The following SIAH3 variants were observed in gnomAD, a reference collection of about 807,000 sequenced individuals.
SIAH3 encodes the protein seven in absentia homolog 3.
SIAH3 carries 9 observed loss-of-function variants against 12.6 expected under a neutral mutation model. The observed-to-expected ratio is 0.72, with a 90% CI of 0.43 to 1.25. SIAH3 has a LOEUF of 1.25. SIAH3 is among the 50% of genes most tolerant of loss of function. SIAH3 has a pLI of 0.00. For missense variants in SIAH3, 390 were observed against 365.4 expected (o/e 1.07, Z -0.55); for synonymous variants, 154 against 151.1 (o/e 1.02, Z -0.14).
intron 1 of SIAH3, among the ~76,000 whole-genome samples, chr13:45,841,644 C>A (rs562439976): frequency 6.6e-6 from 1 of 152,206 alleles, no homozygotes; most frequent in Non-Finnish European, 1.5e-5. Flanking sequence ...CCACAAAGAA[C>A]CTGTTCTTCT....
intron 1 of SIAH3, among the ~76,000 whole-genome samples, chr13:45,848,039 G>A (rs952244300): frequency 1.3e-5 from 2 of 152,284 alleles, no homozygotes; most frequent in Non-Finnish European, 1.5e-5. Context: ...GGAGCCAGGA[G>A]AGAAAGGCTT....
Position 45,780,831 on chromosome 13 carries a change from G to A in SIAH3, c.*2552C>T, listed in dbSNP as rs1950501143. 6.6e-6 allele frequency: 1 copy of A among 152,140 alleles called. No homozygotes were observed. Among genetic ancestry groups the A allele is most frequent in the Admixed American group, 6.5e-5 (1 of 15,286 alleles). 9.4% of individuals were successfully genotyped at this position (152,140 alleles called of 1,614,324 possible). On this transcript the variant is annotated 3_prime_UTR_variant, in exon 2 of 2. Transcript: ENST00000400405. The stretch of plus-strand genomic sequence containing the variant: ...CTTCATGTCTTAGAACCTCTATTCT[G>A]TTAGTATATTGAGGATACTAATGAG...
intron 1 of SIAH3, among the ~76,000 whole-genome samples, chr13:45,811,764 A>G (rs1398541280): frequency 6.6e-6 from 1 of 152,162 alleles, no homozygotes; most frequent in Non-Finnish European, 1.5e-5. Flanking sequence ...ATGGTCATTC[A>G]CTTTATCTTT....
At chr13:45,814,006 A>G (rs1950625187) in intron 1 of SIAH3, among the ~76,000 whole-genome samples, 2 of 152,124 alleles carry the variant, frequency 1.3e-5, no homozygotes, top group Non-Finnish European at 2.9e-5. Context: ...TGGGAGGCCG[A>G]GGCAGGCGGA....
chr13:45,817,553 A>C (rs1428182083), intron 1 of SIAH3, among the ~76,000 whole-genome samples: 2 of 152,216 alleles, frequency 1.3e-5, no homozygotes, highest in African/African-American at 4.8e-5. Context: ...ACTTGCCATC[A>C]CAAGTGTCCT....
At position 45,792,061 on chromosome 13, in the gene SIAH3, C is replaced by T. The variant is rs551842294; in HGVS notation, c.136-8004G>A. Among the ~76,000 whole-genome samples, 37 of 152,310 alleles carry T rather than the reference C, an allele frequency of 2.4e-4. No individual in the cohort carries two copies. The South Asian group carries it at 7.7e-3, about 32-fold the overall frequency. Reference sequence around the variant, plus strand: ...GAACCCCAGAGCCCACCCTCTAGACCACACTCTGCATAAGTGCGATGCTGG... The same window carrying T: ...GAACCCCAGAGCCCACCCTCTAGACTACACTCTGCATAAGTGCGATGCTGG... On this transcript the variant is annotated intron_variant, in intron 1 of 1. Transcript: ENST00000400405.
intron 1 of SIAH3, among the ~76,000 whole-genome samples, chr13:45,815,405 G>A (rs80020776): frequency 0.012 from 1,779 of 152,092 alleles, 27 homozygotes; most frequent in African/African-American, 0.038. Context: ...GACTGTCTTT[G>A]GGCTCCGGCT....
intron 1 of SIAH3, among the ~76,000 whole-genome samples, chr13:45,813,172 G>A (rs576007406): frequency 4.0e-5 from 6 of 151,732 alleles, no homozygotes; most frequent in Non-Finnish European, 7.4e-5. Flanking sequence ...TCCCAGACCC[G>A]GTGGGAACAT....
intron 1 of SIAH3, 38 bp from the exon 2 acceptor site, chr13:45,784,095 G>T (rs1325750705): frequency 3.9e-6 from 6 of 1,522,734 alleles, no homozygotes; most frequent in Non-Finnish European, 5.3e-6. Flanking sequence ...CGGGGATGAG[G>T]CCCACTCTCC....
At chr13:45,784,828 G>C (rs1449306869) in intron 1 of SIAH3, among the ~76,000 whole-genome samples, 1 of 152,176 alleles carries the variant, frequency 6.6e-6, no homozygotes, top group African/African-American at 2.4e-5. Flanking sequence ...AAAACACCAA[G>C]AGCTGTGAGG....
intron 1 of SIAH3, among the ~76,000 whole-genome samples, chr13:45,848,746 C>T (rs764300297): frequency 5.3e-5 from 8 of 152,178 alleles, no homozygotes; most frequent in African/African-American, 7.2e-5. Context: ...TGTAGCTACA[C>T]GCAACCCATA....
chr13:45,841,324 A>G (rs915059975), intron 1 of SIAH3, among the ~76,000 whole-genome samples: 2 of 152,182 alleles, frequency 1.3e-5, no homozygotes, highest in Admixed American at 6.5e-5. Flanking sequence ...TTTCATCTCT[A>G]TGGGGCCTTC....
At chr13:45,795,244 G>A (rs985465940) in intron 1 of SIAH3, among the ~76,000 whole-genome samples, 6 of 152,130 alleles carry the variant, frequency 3.9e-5, no homozygotes, top group Non-Finnish European at 7.4e-5. Flanking sequence ...CATGATCCAA[G>A]AAGCTCACTC....
chr13:45,801,096 G>GT (rs1555257353), intron 1 of SIAH3, among the ~76,000 whole-genome samples: 2 of 10,740 alleles, frequency 1.9e-4, no homozygotes, highest in Non-Finnish European at 8.3e-4. Context: ...GATGGGTGGC[G>GT]GGGGGGGGCA....
At chr13:45,787,880 C>T (rs1316778958) in intron 1 of SIAH3, among the ~76,000 whole-genome samples, 2 of 152,180 alleles carry the variant, frequency 1.3e-5, no homozygotes, top group Admixed American at 6.5e-5. Flanking sequence ...CAGAATGGGG[C>T]CAGCAGCAAG....
At chr13:45,851,221 C>T (rs1950780357) in intron 1 of SIAH3, among the ~76,000 whole-genome samples, 1 of 152,196 alleles carries the variant, frequency 6.6e-6, no homozygotes, top group Non-Finnish European at 1.5e-5. Flanking sequence ...CTGCCCCCCA[C>T]GCCACTCTCA....
At chr13:45,813,670 G>A (rs1159893351) in intron 1 of SIAH3, among the ~76,000 whole-genome samples, 1 of 152,176 alleles carries the variant, frequency 6.6e-6, no homozygotes, top group Non-Finnish European at 1.5e-5. Context: ...TGGAGGCGAG[G>A]AAGTCCAACA....
In SIAH3 at chr13:45,780,389, G is replaced by T; in HGVS notation, c.*2994C>A. 1 of 151,984 alleles carries T rather than the reference G, an allele frequency of 6.6e-6. No homozygotes were observed. The highest frequency in any genetic ancestry group is 1.5e-5 in the Non-Finnish European group (1 of 68,044). 9.4% of individuals were successfully genotyped at this position (151,984 alleles called of 1,614,324 possible). A position where few individuals can be genotyped will look rare whatever the true frequency, so the allele number is the denominator to read the frequency against. On this transcript the variant is annotated 3_prime_UTR_variant, in exon 2 of 2. Transcript: ENST00000400405. ...TGGGCTCAAGCCATCCCCCTGTCTT[G>T]GCCTCCGAGTAGTTAAGACTATAGG...
chr13:45,808,738 T>C (rs1263410341), intron 1 of SIAH3, among the ~76,000 whole-genome samples: 1 of 152,198 alleles, frequency 6.6e-6, no homozygotes, highest in Non-Finnish European at 1.5e-5. Flanking sequence ...CATTACTTCA[T>C]AGGCCCCCCA....
Sources: allele counts gnomAD v4.1 joint callset (sites outside exome capture counted in the v4.1 genomes callset), GRCh38; gene constraint gnomAD v4.1.1; transcripts MANE v1.5; gene names NCBI Gene and HGNC (gene_info 2026-07-23, HGNC 2026-07-21).